Variants in FAM78A observed in about 807,000 individuals in gnomAD.
The protein encoded by FAM78A is family with sequence similarity 78 member A.
A neutral mutation model predicts 22.6 loss-of-function variants in FAM78A; 12 were observed. That is an observed-to-expected ratio of 0.53 (90% CI 0.34 to 0.86). FAM78A has a LOEUF of 0.86. Ranked by LOEUF, FAM78A falls within the 40% of genes least tolerant of loss-of-function variation. FAM78A has a pLI of 0.02. For synonymous variants in FAM78A, 151 were observed against 155.8 expected (o/e 0.97, Z 0.23); for missense variants, 322 against 396.1 (o/e 0.81, Z 1.59).
chr9:131,270,884 G>A lies in FAM78A; in HGVS notation c.323+4973C>T, dbSNP rs1835411033. ...GAGGCCTTCCTGAGCTCCTGGGGAG[G>A]ACGCTGGGAGACGGCAGGTGGGAAG... On this transcript the variant is annotated intron_variant, in intron 1 of 1. Coordinates refer to ENST00000372271, the MANE Select transcript of FAM78A (RefSeq NM_033387.4). 2.6e-5 allele frequency among the ~76,000 whole-genome samples: 4 copies of A among 152,218 alleles called. No homozygotes were observed. In the South Asian group the frequency reaches 8.3e-4, roughly 32 times the overall value.
At chr9:131,269,960 C>A (rs1321316194) in intron 1 of FAM78A, among the ~76,000 whole-genome samples, 1 of 148,976 alleles carries the variant, frequency 6.7e-6, no homozygotes, top group Admixed American at 6.8e-5. Flanking sequence ...TTTGGGAGGC[C>A]GAGGCAGGCA....
upstream of FAM78A, among the ~76,000 whole-genome samples, chr9:131,279,166 G>C (rs973815602): frequency 1.3e-5 from 2 of 152,218 alleles, no homozygotes; most frequent in African/African-American, 4.8e-5. Context: ...CCACTGACTC[G>C]GGCCAAGGCA....
rs1835401581 is a variant in FAM78A, at chr9:131,270,335, C to T, written c.323+5522G>A. ...CACAAACAACAGGTGAAGACGCTTC[C>T]TTCCCCCAAACACTGGGCACGACTG... is the stretch of plus-strand genomic sequence containing the variant. On this transcript the variant is annotated intron_variant, in intron 1 of 1. Coordinates refer to ENST00000372271, the MANE Select transcript of FAM78A (RefSeq NM_033387.4). The T allele has an allele frequency of 5.6e-6, 4 of 717,630 alleles. No individual in the cohort carries two copies. The South Asian group carries it at 5.9e-5, about 11-fold the overall frequency. The allele number at this position is 717,630 out of a possible 1,614,324, so 44.5% of individuals were successfully genotyped here.
chr9:131,261,609 C>T lies in FAM78A; in HGVS notation c.324-259G>A, dbSNP rs944903154. On this transcript the variant is annotated intron_variant, in intron 1 of 1. Transcript: ENST00000372271. This position sits in a 1 kb window ranked among gnomAD's most constrained non-coding sequence, Gnocchi z 7.1. ...AAGTTGCTCTAGGGACATACAGATC[C>T]CACACTCCCATGTGGCCATGGATAT... Among the ~76,000 whole-genome samples, 4 of 152,242 alleles carry T rather than the reference C, an allele frequency of 2.6e-5. 1 individual carries two copies. Among genetic ancestry groups the T allele is most frequent in the African/African-American group, 9.6e-5 (4 of 41,552 alleles).
chr9:131,260,897 G>A lies in FAM78A; in HGVS notation c.777C>T (p.Ala259=). 6.4e-7 allele frequency: 1 copy of A among 1,557,116 alleles called. No individual in the cohort carries two copies. Among genetic ancestry groups the A allele is most frequent in the Non-Finnish European group, 8.7e-7 (1 of 1,148,770 alleles). ...GCCACATGAGGACCTGGGCATCGTT[G>A]GCATTGGGCTTGACCAGGGCGCTGG... ...IPPSALVKPN[A]NDAQVLMWRP... Residue 259 remains alanine (A), a synonymous_variant, in exon 2 of 2, where the codon GCC becomes GCT. Coordinates refer to ENST00000372271, the MANE Select transcript of FAM78A (RefSeq NM_033387.4). The surrounding 1 kb of genome is among the most constrained non-coding windows in gnomAD (Gnocchi z 5.4).
intron 1 of FAM78A, among the ~76,000 whole-genome samples, chr9:131,266,232 A>C (rs978780830): frequency 1.3e-5 from 2 of 152,004 alleles, no homozygotes; most frequent in Admixed American, 1.3e-4. Flanking sequence ...TCTTCTAAAA[A>C]CACAAATCCG....
chr9:131,267,458 CAGG>C (rs1343755469), intron 1 of FAM78A, among the ~76,000 whole-genome samples: 1 of 152,164 alleles, frequency 6.6e-6, no homozygotes, highest in Non-Finnish European at 1.5e-5. Context: ...CTTGAGCAAT[CAGG>C]AGGTCAAGGC....
Position 131,272,731 on chromosome 9 carries a change from G to A in FAM78A, c.323+3126C>T, listed in dbSNP as rs1835435418. On this transcript the variant is annotated intron_variant, in intron 1 of 1. Transcript: ENST00000372271. The surrounding 1 kb of genome is among the most constrained non-coding windows in gnomAD (Gnocchi z 4.1). ...AGATCACCTGAGGTCAGGAGTTCGA[G>A]ACCATCCTGGCCAACGCGGTGAAAC... Among the ~76,000 whole-genome samples the A allele has an allele frequency of 6.6e-6, 1 of 152,148 alleles. No individual in the cohort carries two copies. Among genetic ancestry groups the A allele is most frequent in the Non-Finnish European group, 1.5e-5 (1 of 68,018 alleles).
chr9:131,278,832 T>C (rs181345283), upstream of FAM78A, among the ~76,000 whole-genome samples: 743 of 152,348 alleles, frequency 4.9e-3, 9 homozygotes, highest in African/African-American at 0.017. Context: ...CCCATCCCCA[T>C]GACTCTGACT....
In FAM78A at chr9:131,267,944, T is replaced by C. The variant is rs184574201; in HGVS notation, c.324-6594A>G. ...GCAGGCACCTGTAGTCCCAGCTACT[T>C]GGGAGGTTGAGGCAGGAGAATGGCA... On this transcript the variant is annotated intron_variant, in intron 1 of 1. Transcript: ENST00000372271. Among the ~76,000 whole-genome samples the C allele has an allele frequency of 2.9e-3, 441 of 150,312 alleles. 6 individuals are homozygous for C. The highest frequency in any genetic ancestry group is 9.9e-3 in the African/African-American group (404 of 40,906).
chr9:131,270,868 C>T (rs1031510717), intron 1 of FAM78A, among the ~76,000 whole-genome samples: 1 of 152,158 alleles, frequency 6.6e-6, no homozygotes, highest in African/African-American at 2.4e-5. Context: ...TGAGGCCTTC[C>T]TGAGCTCCTG....
At chr9:131,278,325 G>T (rs1016066619), upstream of FAM78A, among the ~76,000 whole-genome samples, 5 of 152,150 alleles carry the variant, frequency 3.3e-5, no homozygotes, top group African/African-American at 1.2e-4. Flanking sequence ...AGGCTTTCTG[G>T]GGTTCGGAGC....
In FAM78A at chr9:131,265,910, G is replaced by C. The variant is rs915930414; in HGVS notation, c.324-4560C>G. The stretch of plus-strand genomic sequence containing the variant: ...CAGGCTGGAACCCAGGCGTCAGAAT[G>C]CTTCCCGGGCTGAAGTGGCTTCCTC... On this transcript the variant is annotated intron_variant, in intron 1 of 1. Coordinates refer to ENST00000372271, the MANE Select transcript of FAM78A (RefSeq NM_033387.4). This position sits in a 1 kb window ranked among gnomAD's most constrained non-coding sequence, Gnocchi z 4.3. Among the ~76,000 whole-genome samples, 1 of 152,198 alleles carries C rather than the reference G, an allele frequency of 6.6e-6. No individual in the cohort carries two copies. The highest frequency in any genetic ancestry group is 2.4e-5 in the African/African-American group (1 of 41,436).
chr9:131,271,440 T>G (rs1191039811), intron 1 of FAM78A, among the ~76,000 whole-genome samples: 3 of 152,238 alleles, frequency 2.0e-5, no homozygotes, highest in African/African-American at 7.2e-5. Flanking sequence ...CGTGAGGTGC[T>G]GGGCTAAGGT....
In FAM78A at chr9:131,260,778, G is replaced by A. The variant is rs764679702; in HGVS notation, c.*44C>T. On this transcript the variant is annotated 3_prime_UTR_variant, in exon 2 of 2. Coordinates refer to ENST00000372271, the MANE Select transcript of FAM78A (RefSeq NM_033387.4). The surrounding 1 kb of genome is among the most constrained non-coding windows in gnomAD (Gnocchi z 5.4). Reference sequence around the variant, plus strand: ...AGTGAGTCTGAGTTTTGTTTTCAGCGGTATTATTATTTGTGAGTCTAACCT... The same window carrying A: ...AGTGAGTCTGAGTTTTGTTTTCAGCAGTATTATTATTTGTGAGTCTAACCT... 181 of 1,499,988 alleles carry A rather than the reference G, an allele frequency of 1.2e-4. No individual in the cohort carries two copies. The highest frequency in any genetic ancestry group is 1.5e-4 in the Non-Finnish European group (166 of 1,127,266). The allele number at this position is 1,499,988 out of a possible 1,614,324, so 92.9% of individuals were successfully genotyped here.
chr9:131,270,130 C>T (rs993263224), intron 1 of FAM78A: 14 of 613,612 alleles, frequency 2.3e-5, no homozygotes, highest in African/African-American at 9.2e-5. Context: ...CGCTTGAACC[C>T]GGGAGGCGGA....
In FAM78A at chr9:131,265,690, A is replaced by G. The variant is rs1181949717; in HGVS notation, c.324-4340T>C. 6.6e-6 allele frequency among the ~76,000 whole-genome samples: 1 copy of G among 152,166 alleles called. No individual in the cohort carries two copies. The highest frequency in any genetic ancestry group is 1.5e-5 in the Non-Finnish European group (1 of 68,026). ...CGTGAGCCACCGCACCTGGCTGTAA[A>G]CAACCTGAGATTTTCAATGCTGAGA... On this transcript the variant is annotated intron_variant, in intron 1 of 1. Transcript: ENST00000372271. This position sits in a 1 kb window ranked among gnomAD's most constrained non-coding sequence, Gnocchi z 4.3.
At chr9:131,264,420 TTGCAGCGGG>T in intron 1 of FAM78A, 2 of 588,532 alleles carry the variant, frequency 3.4e-6, no homozygotes, top group Non-Finnish European at 6.2e-6. Context: ...CACCTGGGGG[TTGCAGCGGG>T]TGCAGCAGCC....
chr9:131,273,147 C>G (rs1835440230), intron 1 of FAM78A, among the ~76,000 whole-genome samples: 1 of 152,164 alleles, frequency 6.6e-6, no homozygotes, highest in Admixed American at 6.5e-5. Context: ...TACTCGGCAG[C>G]CTCCTCCTCT....
Sources: allele counts gnomAD v4.1 joint callset (sites outside exome capture counted in the v4.1 genomes callset), GRCh38; gene constraint gnomAD v4.1.1; non-coding constraint Gnocchi (gnomAD v3.1); transcripts MANE v1.5; gene names NCBI Gene and HGNC (gene_info 2026-07-23, HGNC 2026-07-21).